ASXL1: variants seen among roughly 807,000 people sequenced by gnomAD.
The protein encoded by ASXL1 is ASXL transcriptional regulator 1, also known as polycomb group protein ASXL1.
Under a neutral mutation model 89.1 loss-of-function variants are expected in ASXL1, and 65 were observed. The ratio of observed to expected loss-of-function variants is 0.73; its 90% CI spans 0.60 to 0.90. The LOEUF (loss-of-function observed/expected upper bound fraction) is 0.90, where lower values mean the gene tolerates loss of function less well. Ranked by LOEUF, ASXL1 falls within the 40% of genes least tolerant of loss-of-function variation. ASXL1 has a pLI of 0.00. For missense variants in ASXL1, 1,786 were observed against 1,942.9 expected (o/e 0.92, Z 1.52); for synonymous variants, 739 against 746.9 (o/e 0.99, Z 0.17).
chr20:32,365,496 A>G (rs2048189488), intron 1 of ASXL1, among the ~76,000 whole-genome samples: 2 of 152,198 alleles, frequency 1.3e-5, no homozygotes, highest in African/African-American at 2.4e-5. Flanking sequence ...TGCTTGTGAC[A>G]GCAGTACTTG....
chr20:32,368,981 T>C, intron 3 of ASXL1, 34 bp from the exon 4 acceptor site: 1 of 1,551,372 alleles, frequency 6.4e-7, no homozygotes, highest in Middle Eastern at 1.7e-4. Context: ...AGATGGATTG[T>C]ATAACCCTCA....
chr20:32,428,713 T>C, intron 6 of ASXL1: 1 of 337,248 alleles, frequency 3.0e-6, no homozygotes, highest in East Asian at 6.8e-5. Flanking sequence ...CAGGCTGGAG[T>C]GCAGTGGCAT....
chr20:32,402,419 T>C (rs902662322), intron 4 of ASXL1, among the ~76,000 whole-genome samples: 2 of 152,248 alleles, frequency 1.3e-5, no homozygotes, highest in African/African-American at 4.8e-5. Context: ...CTGTGAACAT[T>C]TGCATGCAGA....
intron 4 of ASXL1, 121 bp downstream of exon 4, chr20:32,369,244 C>T (rs2048256896): frequency 5.3e-6 from 5 of 937,982 alleles, no homozygotes; most frequent in Non-Finnish European, 8.6e-6. Flanking sequence ...AGTCAGGTGA[C>T]ACTGATGTTT....
intron 10 of ASXL1, chr20:32,432,501 C>T (rs2011549433): frequency 3.3e-6 from 1 of 306,278 alleles, no homozygotes; most frequent in African/African-American, 2.2e-5. Flanking sequence ...CAGTGAACAA[C>T]TCATATCAGT....
At position 32,436,723 on chromosome 20, in the gene ASXL1, G is replaced by GT; in HGVS notation, c.4013dup (p.Leu1338PhefsTer33). On this transcript the variant is annotated frameshift_variant, in exon 13 of 13. Transcript: ENST00000375687. LOFTEE classifies it high-confidence loss of function. ...TCCCTCCAGTTTTTCCCAGTGGGAA[G>GT]TTGGGACCAAGCACAAACTCCATGT... 1 of 1,614,092 alleles carries GT rather than the reference G, an allele frequency of 6.2e-7. No individual in the cohort carries two copies. Among genetic ancestry groups the GT allele is most frequent in the Non-Finnish European group, 8.5e-7 (1 of 1,180,042 alleles).
chr20:32,395,168 T>C (rs927169594), intron 4 of ASXL1, among the ~76,000 whole-genome samples: 2 of 152,234 alleles, frequency 1.3e-5, no homozygotes, highest in Non-Finnish European at 2.9e-5. Flanking sequence ...GCCAGAGGAC[T>C]TCCTTTAATG....
chr20:32,376,877 ATTTT>A (rs2048389661), intron 4 of ASXL1, among the ~76,000 whole-genome samples: 1 of 145,030 alleles, frequency 6.9e-6, no homozygotes, highest in Non-Finnish European at 1.5e-5. Flanking sequence ...TATGTTATAT[ATTTT>A]ATATTTATAA....
intron 4 of ASXL1, among the ~76,000 whole-genome samples, chr20:32,419,638 T>C (rs1016706168): frequency 2.6e-5 from 4 of 152,018 alleles, no homozygotes; most frequent in African/African-American, 9.7e-5. Context: ...ATAAATTATA[T>C]TTTTGTTTTC....
chr20:32,374,994 C>A (rs1306521095), intron 4 of ASXL1, among the ~76,000 whole-genome samples: 2 of 152,076 alleles, frequency 1.3e-5, no homozygotes, highest in African/African-American at 2.4e-5. Flanking sequence ...TAATTTATTT[C>A]TTACAGCTAT....
chr20:32,363,684 A>T (rs912059834), intron 1 of ASXL1, among the ~76,000 whole-genome samples: 1 of 152,216 alleles, frequency 6.6e-6, no homozygotes, highest in East Asian at 1.9e-4. Flanking sequence ...GGCAGAGATC[A>T]GGGAAGGCTT....
chr20:32,400,796 G>A (rs908507489), intron 4 of ASXL1, among the ~76,000 whole-genome samples: 2 of 152,200 alleles, frequency 1.3e-5, no homozygotes, highest in African/African-American at 2.4e-5. Context: ...TGGTGCCCAG[G>A]AAACTCTCTT....
chr20:32,433,846 A>G lies in ASXL1; in HGVS notation c.1648A>G (p.Asn550Asp). 2 of 1,614,020 alleles carry G rather than the reference A, an allele frequency of 1.2e-6. No individual in the cohort carries two copies. Among genetic ancestry groups the G allele is most frequent in the South Asian group, 1.1e-5 (1 of 91,082 alleles). The change falls in exon 12 of 13, where the codon AAC (asparagine) becomes GAC (aspartate). Residue 550 changes from asparagine to aspartate, a missense_variant. Asn to Asp is a conservative substitution (Grantham distance 23). Around this residue, in one of 3 missense-constraint regions of ASXL1, gnomAD observed 1,418 missense variants for 1,427.8 expected, o/e 0.99. Coordinates refer to ENST00000375687, the MANE Select transcript of ASXL1 (RefSeq NM_015338.6). ...PRLEDRQSFR[N>D]TIESVHTEKP... is the part of the protein sequence containing the mutation. ...GCTTGAAGATCGTCAGTCCTTTCGT[A>G]ACACAATTGAAAGTGTTCACACCGA...
intron 4 of ASXL1, chr20:32,427,847 C>G (rs2011372977): frequency 4.8e-6 from 2 of 414,506 alleles, no homozygotes; most frequent in Admixed American, 7.1e-5. Context: ...GCCTTGATTC[C>G]TGCTCCTTAG....
chr20:32,437,404 T>A lies in ASXL1; in HGVS notation c.*66T>A. 6.3e-7 allele frequency: 1 copy of A among 1,584,854 alleles called. No homozygotes were observed. Among genetic ancestry groups the A allele is most frequent in the Non-Finnish European group, 8.7e-7 (1 of 1,154,246 alleles). On this transcript the variant is annotated 3_prime_UTR_variant, in exon 13 of 13. Coordinates refer to ENST00000375687, the MANE Select transcript of ASXL1 (RefSeq NM_015338.6). ...TATTTTGATAATGATTGATCTTAAA[T>A]CTGTATACAGAATATCATTGATATA...
rs35146454 is a variant in ASXL1, at chr20:32,401,544, G to GTTTTT, written c.253-26582_253-26578dup. 1.6e-4 allele frequency among the ~76,000 whole-genome samples: 11 copies of GTTTTT among 69,318 alleles called. 1 individual carries two copies. The highest frequency in any genetic ancestry group is 8.5e-4 in the South Asian group (1 of 1,176). The allele number at this position is 69,318 out of a possible 152,430, so 45.5% of individuals were successfully genotyped here. A position where few individuals can be genotyped will look rare whatever the true frequency, so the allele number is the denominator to read the frequency against. ...TATATGTGTGTGTGTGTGTGTGTGT[G>GTTTTT]TTTTTTCCCCCCCCCCCTTTTTTTT... On this transcript the variant is annotated intron_variant, in intron 4 of 12. Transcript: ENST00000375687.
chr20:32,433,321 G>A lies in ASXL1; in HGVS notation c.1123G>A (p.Val375Met), dbSNP rs748644253. The A allele has an allele frequency of 1.6e-5, 26 of 1,614,068 alleles. No homozygotes were observed. Among genetic ancestry groups the A allele is most frequent in the African/African-American group, 4.0e-5 (3 of 74,920 alleles). ...LTKEESLQQN[V>M]GQEEAEIKSG... ...CAAAGAAGAGTCATTGCAGCAGAAC[G>A]TGGGCCAGGAGGAGGCTGAAATCAA... The change falls in exon 12 of 13, where the codon GTG becomes ATG. Residue 375 changes from valine (V) to methionine (M), a missense_variant. Val to Met is a conservative substitution (Grantham distance 21). Coordinates refer to ENST00000375687, the MANE Select transcript of ASXL1 (RefSeq NM_015338.6).
At chr20:32,366,241 T>G in intron 1 of ASXL1, 143 bp from the exon 2 acceptor site, 1 of 735,008 alleles carries the variant, frequency 1.4e-6, no homozygotes, top group African/African-American at 1.7e-5. Flanking sequence ...TATGTGTAAT[T>G]TGATTTCTGA....
chr20:32,403,768 A>G (rs1326055339), intron 4 of ASXL1, among the ~76,000 whole-genome samples: 2 of 152,216 alleles, frequency 1.3e-5, no homozygotes, highest in African/African-American at 2.4e-5. Flanking sequence ...TGGAGTTTCA[A>G]TAGTAAATGC....
Sources: gnomAD v4.1 joint callset for allele counts (sites outside exome capture counted in the v4.1 genomes callset) on GRCh38, gnomAD v4.1.1 for gene constraint, gnomAD v4.1.1 regional missense constraint, MANE v1.5 for transcripts, NCBI Gene and HGNC (gene_info 2026-07-23, HGNC 2026-07-21) for gene names.